Variants in BCL2L11 observed in about 807,000 individuals in gnomAD.
The protein encoded by BCL2L11 is bcl-2-like protein 11.
BCL2L11 carries 15 observed loss-of-function variants against 20.6 expected under a neutral mutation model. The ratio of observed to expected loss-of-function variants is 0.73; its 90% CI spans 0.49 to 1.12. The LOEUF is 1.12. Ranked by LOEUF, BCL2L11 falls within the 50% of genes most tolerant of loss-of-function variation. The pLI is 0.00. For synonymous variants in BCL2L11, 108 were observed against 92.8 expected, an observed-to-expected ratio of 1.16 and a Z score of -0.94; for missense variants, 292 against 260.9, an observed-to-expected ratio of 1.12 and a Z score of -0.82.
At chr2:111,122,534 G>C in intron 1 of BCL2L11, 2 of 895,086 alleles carry the variant, frequency 2.2e-6, no homozygotes, top group Non-Finnish European at 2.7e-6. Context: ...GCTGCGGCGC[G>C]GAGCGACCGC....
intron 3 of BCL2L11, among the ~76,000 whole-genome samples, chr2:111,151,392 T>C (rs947545455): frequency 6.6e-5 from 10 of 152,362 alleles, no homozygotes; most frequent in Non-Finnish European, 1.2e-4. Flanking sequence ...AAGACACTAA[T>C]TCTTATTTTG....
chr2:111,120,943 A>G lies in BCL2L11; in HGVS notation c.-259A>G, dbSNP rs1352010718. Reference sequence around the variant, plus strand: ...CGCTCCGCGCAGCCGCCTGGTCTGCAGTTTGTTGGAGCTCTGCGTCCAGCG... The same window carrying G: ...CGCTCCGCGCAGCCGCCTGGTCTGCGGTTTGTTGGAGCTCTGCGTCCAGCG... On this transcript the variant is annotated 5_prime_UTR_variant, in exon 1 of 4. Transcript: ENST00000393256. 13 of 362,674 alleles carry G rather than the reference A, an allele frequency of 3.6e-5. No homozygotes were observed. The highest frequency in any genetic ancestry group is 7.8e-4 in the Middle Eastern group (1 of 1,284). 22.5% of individuals were successfully genotyped at this position (362,674 alleles called of 1,614,324 possible).
intron 2 of BCL2L11, among the ~76,000 whole-genome samples, chr2:111,140,489 G>T (rs1361929092): frequency 6.6e-6 from 1 of 152,152 alleles, no homozygotes; most frequent in African/African-American, 2.4e-5. Flanking sequence ...GGCAGCTTAA[G>T]TGGATGGAAT....
chr2:111,154,191 C>T (rs2077559423), intron 3 of BCL2L11, among the ~76,000 whole-genome samples: 1 of 152,136 alleles, frequency 6.6e-6, no homozygotes, highest in South Asian at 2.1e-4. Flanking sequence ...TACTGCTTTT[C>T]CTACACTAAA....
intron 2 of BCL2L11, among the ~76,000 whole-genome samples, chr2:111,126,574 T>C (rs779517303): frequency 1.9e-4 from 29 of 152,160 alleles, no homozygotes; most frequent in Non-Finnish European, 3.4e-4. Context: ...GTGAGTTTCT[T>C]AAATTGAAGC....
At chr2:111,156,293 C>G (rs1008107885) in intron 3 of BCL2L11, among the ~76,000 whole-genome samples, 1 of 152,154 alleles carries the variant, frequency 6.6e-6, no homozygotes, top group Non-Finnish European at 1.5e-5. Context: ...CAAATTAGAC[C>G]TAACTCATGC....
intron 3 of BCL2L11, 152 bp downstream of exon 3, chr2:111,150,299 C>T: frequency 4.2e-6 from 6 of 1,435,662 alleles, no homozygotes; most frequent in Non-Finnish European, 5.6e-6. Flanking sequence ...TCTCCTTTCC[C>T]ATTTTTCATT....
At chr2:111,160,069 C>T (rs2078366364) in intron 3 of BCL2L11, among the ~76,000 whole-genome samples, 1 of 152,246 alleles carries the variant, frequency 6.6e-6, no homozygotes, top group Non-Finnish European at 1.5e-5. Flanking sequence ...ATGATAAATA[C>T]TTATCCACTA....
chr2:111,135,175 T>G (rs1256308366), intron 2 of BCL2L11, among the ~76,000 whole-genome samples: 2 of 152,228 alleles, frequency 1.3e-5, no homozygotes, highest in African/African-American at 4.8e-5. Flanking sequence ...CTGTTCATTT[T>G]TTTCCAGTAG....
intron 2 of BCL2L11, among the ~76,000 whole-genome samples, chr2:111,137,688 G>T (rs1353356662): frequency 3.3e-5 from 5 of 150,162 alleles, no homozygotes. Context: ...ATGCAAGGGG[G>T]TTCATCACAG....
intron 3 of BCL2L11, among the ~76,000 whole-genome samples, chr2:111,154,902 G>A (rs576575138): frequency 1.3e-5 from 2 of 152,154 alleles, no homozygotes; most frequent in Non-Finnish European, 2.9e-5. Context: ...ATGATTTGGC[G>A]GGAGGCACCA....
At chr2:111,141,067 A>G (rs535225835) in intron 2 of BCL2L11, among the ~76,000 whole-genome samples, 26 of 152,318 alleles carry the variant, frequency 1.7e-4, no homozygotes, top group Non-Finnish European at 3.2e-4. Context: ...TGGTCCTCCC[A>G]TAGGCCTATT....
intron 2 of BCL2L11, among the ~76,000 whole-genome samples, chr2:111,141,023 G>A (rs1049122024): frequency 2.0e-5 from 3 of 152,182 alleles, no homozygotes; most frequent in Non-Finnish European, 2.9e-5. Flanking sequence ...GAGGTGTGGA[G>A]TAGGAGGTTC....
chr2:111,136,312 C>G (rs889144803), intron 2 of BCL2L11, among the ~76,000 whole-genome samples: 1 of 152,202 alleles, frequency 6.6e-6, no homozygotes, highest in Non-Finnish European at 1.5e-5. Context: ...CGTCATCCCT[C>G]AAGTCCTGAG....
intron 3 of BCL2L11, among the ~76,000 whole-genome samples, chr2:111,160,306 G>T (rs2078402179): frequency 1.3e-5 from 2 of 152,116 alleles, no homozygotes; most frequent in South Asian, 4.1e-4. Context: ...ATTTGCCTCT[G>T]TATTGTCCTT....
chr2:111,123,101 GAAGT>G, intron 1 of BCL2L11: 2 of 978,858 alleles, frequency 2.0e-6, no homozygotes, highest in Non-Finnish European at 2.4e-6. Flanking sequence ...GCACCTCAGA[GAAGT>G]TCTGTCTGAT....
chr2:111,144,383 T>C (rs1575088053), intron 2 of BCL2L11: 2 of 1,250,034 alleles, frequency 1.6e-6, no homozygotes, highest in Non-Finnish European at 2.3e-6. Flanking sequence ...TGTTGGTTAC[T>C]TGCTTATTTT....
Position 111,121,016 on chromosome 2 carries a change from G to GCCGCCGCCGCCGCCGCCT in BCL2L11, c.-181_-180insGCCGCCGCCGCCTCCGCC, listed in dbSNP as rs2070785010. 2.6e-6 allele frequency: 1 copy of GCCGCCGCCGCCGCCGCCT among 390,586 alleles called. No homozygotes were observed. The highest frequency in any genetic ancestry group is 2.2e-5 in the African/African-American group (1 of 44,824). The allele number at this position is 390,586 out of a possible 1,614,324, so 24.2% of individuals were successfully genotyped here. On this transcript the variant is annotated 5_prime_UTR_variant, in exon 1 of 4. Coordinates refer to ENST00000393256, the MANE Select transcript of BCL2L11 (RefSeq NM_138621.5). ...CGCCGCCGCCGCCGCCGCCGCCGCCGCCGCCACTACCACCACTTGATTCTT... is the reference window on the plus strand; with the variant it reads ...CGCCGCCGCCGCCGCCGCCGCCGCCGCCGCCGCCGCCGCCGCCTCCGCCACTACCACCACTTGATTCTT...
intron 3 of BCL2L11, 62 bp from the exon 4 acceptor site, chr2:111,164,071 T>TTG: frequency 2.6e-5 from 17 of 664,710 alleles, no homozygotes; most frequent in Non-Finnish European, 2.9e-5. Context: ...AAATATGGGC[T>TTG]CCCACCCCTC....
Sources: allele counts gnomAD v4.1 joint callset (sites outside exome capture counted in the v4.1 genomes callset), GRCh38; gene constraint gnomAD v4.1.1; transcripts MANE v1.5; gene names NCBI Gene and HGNC (gene_info 2026-07-23, HGNC 2026-07-21).